Variants in SYNDIG1 observed in about 807,000 individuals in gnomAD.
SYNDIG1 encodes the protein synapse differentiation-inducing gene protein 1.
SYNDIG1 carries 9 observed loss-of-function variants against 19.4 expected under a neutral mutation model. The observed-to-expected ratio is 0.46, with a 90% CI of 0.28 to 0.81. The LOEUF (loss-of-function observed/expected upper bound fraction) is 0.81, where lower values mean the gene tolerates loss of function less well. SYNDIG1 is among the 30% of genes least tolerant of loss of function. The pLI, the probability that SYNDIG1 is intolerant of heterozygous loss-of-function variation, is 0.12. For synonymous variants in SYNDIG1, 141 were observed against 145.9 expected, an observed-to-expected ratio of 0.97 and a Z score of 0.24; for missense variants, 311 against 343.3, an observed-to-expected ratio of 0.91 and a Z score of 0.74.
chr20:24,471,429 T>C (rs763661711), intron 1 of SYNDIG1, among the ~76,000 whole-genome samples: 4 of 151,886 alleles, frequency 2.6e-5, no homozygotes, highest in Non-Finnish European at 4.4e-5. Flanking sequence ...ACCACAGGTA[T>C]GAGGCCTGTG....
At chr20:24,508,923 C>T (rs1319297082) in intron 1 of SYNDIG1, among the ~76,000 whole-genome samples, 5 of 152,176 alleles carry the variant, frequency 3.3e-5, no homozygotes, top group Admixed American at 2.0e-4. Flanking sequence ...AATAAAAACC[C>T]AATTGCCCAG....
At chr20:24,615,762 C>G (rs1002480881) in intron 3 of SYNDIG1, among the ~76,000 whole-genome samples, 1 of 152,098 alleles carries the variant, frequency 6.6e-6, no homozygotes, top group Admixed American at 6.5e-5. Context: ...TGCTGCTGCC[C>G]GAAGTTCTTA....
chr20:24,555,174 A>G (rs1439895091), intron 2 of SYNDIG1, among the ~76,000 whole-genome samples: 2 of 151,572 alleles, frequency 1.3e-5, no homozygotes, highest in Non-Finnish European at 1.5e-5. Context: ...TTTTTATTGC[A>G]TCTATTTGAT....
chr20:24,470,796 G>A (rs1471295713), intron 1 of SYNDIG1, among the ~76,000 whole-genome samples: 1 of 152,194 alleles, frequency 6.6e-6, no homozygotes, highest in Admixed American at 6.5e-5. Context: ...GTTGCACGCA[G>A]AGGCTTGGGC....
At chr20:24,502,025 T>A (rs1438331569) in intron 1 of SYNDIG1, 2 of 152,386 alleles carry the variant, frequency 1.3e-5, no homozygotes, top group Non-Finnish European at 2.9e-5. Flanking sequence ...GGCAGGACGT[T>A]GCTGGGAAGA....
At chr20:24,529,417 A>G (rs571776816) in intron 1 of SYNDIG1, among the ~76,000 whole-genome samples, 25 of 151,952 alleles carry the variant, frequency 1.6e-4, no homozygotes, top group Middle Eastern at 6.8e-3. Context: ...ATTTTTCTGT[A>G]AAGAGTCAGA....
intron 2 of SYNDIG1, 32 bp from the exon 3 acceptor site, chr20:24,584,824 T>C (rs538258108): frequency 6.2e-7 from 1 of 1,613,806 alleles, no homozygotes. Flanking sequence ...TAATCTTCTC[T>C]CCTGTCCTGT....
chr20:24,576,900 C>T (rs921109688), intron 2 of SYNDIG1, among the ~76,000 whole-genome samples: 1 of 152,166 alleles, frequency 6.6e-6, no homozygotes, highest in Non-Finnish European at 1.5e-5. Flanking sequence ...CTACCTGACC[C>T]ATCCAAATGT....
At chr20:24,479,448 G>A (rs1046903727) in intron 1 of SYNDIG1, among the ~76,000 whole-genome samples, 8 of 152,138 alleles carry the variant, frequency 5.3e-5, no homozygotes, top group Admixed American at 3.9e-4. Flanking sequence ...CCATCTCTGG[G>A]ATGTTCTCTG....
intron 1 of SYNDIG1, among the ~76,000 whole-genome samples, chr20:24,489,364 T>G (rs1284210359): frequency 6.7e-6 from 1 of 148,610 alleles, no homozygotes; most frequent in African/African-American, 2.5e-5. Flanking sequence ...GATACATGCA[T>G]GCACACACAG....
chr20:24,649,987 T>G (rs961334561), intron 3 of SYNDIG1, among the ~76,000 whole-genome samples: 1 of 152,210 alleles, frequency 6.6e-6, no homozygotes, highest in Non-Finnish European at 1.5e-5. Flanking sequence ...ATACATTTTG[T>G]GCAACAAACA....
At chr20:24,473,276 A>C (rs1370819385) in intron 1 of SYNDIG1, among the ~76,000 whole-genome samples, 6 of 152,306 alleles carry the variant, frequency 3.9e-5, no homozygotes, top group African/African-American at 1.4e-4. Flanking sequence ...GCACTGATAG[A>C]AGTTTTTGGA....
At chr20:24,501,488 G>A (rs1441731915) in intron 1 of SYNDIG1, among the ~76,000 whole-genome samples, 5 of 152,146 alleles carry the variant, frequency 3.3e-5, no homozygotes, top group African/African-American at 9.7e-5. Context: ...GTGCCCAGCC[G>A]TTTATGTGGC....
At chr20:24,488,318 C>T (rs926560833) in intron 1 of SYNDIG1, among the ~76,000 whole-genome samples, 4 of 152,240 alleles carry the variant, frequency 2.6e-5, no homozygotes, top group East Asian at 1.9e-4. Flanking sequence ...GTGAACCAGA[C>T]GTGAGAGCCA....
At chr20:24,597,420 A>G (rs1215013308) in intron 3 of SYNDIG1, among the ~76,000 whole-genome samples, 1 of 151,976 alleles carries the variant, frequency 6.6e-6, no homozygotes, top group African/African-American at 2.4e-5. Context: ...AGACCACAGC[A>G]TTTCTTCCAC....
At chr20:24,540,781 T>G (rs2057453296) in intron 1 of SYNDIG1, among the ~76,000 whole-genome samples, 1 of 152,202 alleles carries the variant, frequency 6.6e-6, no homozygotes, top group African/African-American at 2.4e-5. Flanking sequence ...TCCTTTAATA[T>G]GCCGCTTAAT....
intron 2 of SYNDIG1, among the ~76,000 whole-genome samples, chr20:24,553,650 T>G (rs567057171): frequency 2.8e-4 from 43 of 152,344 alleles, no homozygotes; most frequent in Middle Eastern, 3.4e-3. Context: ...GAGGGCTCTG[T>G]TCTGTTCCAT....
At chr20:24,537,365 C>T (rs2057382677) in intron 1 of SYNDIG1, among the ~76,000 whole-genome samples, 1 of 151,874 alleles carries the variant, frequency 6.6e-6, no homozygotes, top group South Asian at 2.1e-4. Context: ...GTATGGTATA[C>T]ACTCCTCCTT....
intron 1 of SYNDIG1, among the ~76,000 whole-genome samples, chr20:24,535,025 C>T (rs1214466243): frequency 6.6e-6 from 1 of 152,214 alleles, no homozygotes; most frequent in Non-Finnish European, 1.5e-5. Context: ...AGATGATTGT[C>T]ACTTGGTGTG....
Sources: gnomAD v4.1 joint callset for allele counts (sites outside exome capture counted in the v4.1 genomes callset) on GRCh38, gnomAD v4.1.1 for gene constraint, MANE v1.5 for transcripts, NCBI Gene and HGNC (gene_info 2026-07-23, HGNC 2026-07-21) for gene names.